The following CNTNAP3B variants were observed in gnomAD, a reference collection of about 807,000 sequenced individuals.
CNTNAP3B encodes contactin-associated protein-like 3B.
CNTNAP3B carries 25 observed loss-of-function variants against 108.9 expected under a neutral mutation model. The observed-to-expected ratio is 0.23, with a 90% CI of 0.17 to 0.32. CNTNAP3B has a LOEUF of 0.32. Ranked by LOEUF, CNTNAP3B falls within the 10% of genes least tolerant of loss-of-function variation. CNTNAP3B has a pLI of 1.00. For missense variants in CNTNAP3B, 252 were observed against 1,210.4 expected, an observed-to-expected ratio of 0.21 and a Z score of 11.75; for synonymous variants, 103 against 473.4, an observed-to-expected ratio of 0.22 and a Z score of 10.16.
At chr9:41,944,518 AC>A (rs1824464917) in intron 13 of CNTNAP3B, among the ~76,000 whole-genome samples, 1 of 152,296 alleles carries the variant, frequency 6.6e-6, no homozygotes, top group Non-Finnish European at 1.5e-5. Flanking sequence ...AAAGGCTACC[AC>A]TAAAACAATT....
At chr9:42,041,851 G>A (rs1043328997) in intron 3 of CNTNAP3B, among the ~76,000 whole-genome samples, 4 of 144,916 alleles carry the variant, frequency 2.8e-5, no homozygotes, top group Non-Finnish European at 6.0e-5. Context: ...GTCCATCAAT[G>A]ACAGAATGGA....
chr9:42,109,900 A>T lies in CNTNAP3B; in HGVS notation c.86-5161T>A, dbSNP rs1331949340. Reference sequence around the variant, plus strand: ...TAAAGGTGATGATGAACAGAGCCCCATACAAAAGAGAAGAGGGTGTGAAAA... The same window carrying T: ...TAAAGGTGATGATGAACAGAGCCCCTTACAAAAGAGAAGAGGGTGTGAAAA... On this transcript the variant is annotated intron_variant, in intron 1 of 23. Coordinates refer to ENST00000377561, the MANE Select transcript of CNTNAP3B (RefSeq NM_001201380.3). 1.5e-5 allele frequency among the ~76,000 whole-genome samples: 2 copies of T among 137,118 alleles called. 1 individual carries two copies. 90.0% of individuals were successfully genotyped at this position (137,118 alleles called of 152,430 possible).
intron 12 of CNTNAP3B, 108 bp from the exon 13 acceptor site, chr9:41,953,494 C>T: frequency 1.5e-6 from 2 of 1,363,368 alleles, no homozygotes; most frequent in Non-Finnish European, 2.0e-6. Context: ...ATTTACATTA[C>T]TGCATGTTTG....
At chr9:41,959,594 T>C (rs1380292919) in intron 12 of CNTNAP3B, among the ~76,000 whole-genome samples, 1 of 152,308 alleles carries the variant, frequency 6.6e-6, no homozygotes, top group Admixed American at 6.5e-5. Flanking sequence ...CTTTCATTGT[T>C]TGAGTCGGGA....
chr9:41,942,723 T>G (rs1250462602), intron 13 of CNTNAP3B, among the ~76,000 whole-genome samples: 1 of 152,252 alleles, frequency 6.6e-6, no homozygotes, highest in Non-Finnish European at 1.5e-5. Flanking sequence ...TAACAGGAGA[T>G]TAAAAATGAA....
intron 8 of CNTNAP3B, among the ~76,000 whole-genome samples, chr9:41,990,575 C>A: frequency 8.1e-6 from 1 of 124,058 alleles, no homozygotes; most frequent in Non-Finnish European, 1.7e-5. Context: ...CCTCTTACAG[C>A]CAAAAGGAAT....
chr9:41,944,875 C>A (rs1587130983), intron 13 of CNTNAP3B, among the ~76,000 whole-genome samples: 1 of 152,230 alleles, frequency 6.6e-6, no homozygotes, highest in Non-Finnish European at 1.5e-5. Flanking sequence ...ACCCATCTGA[C>A]AAAGGGCTAA....
rs1208002994 is a variant in CNTNAP3B, at chr9:42,123,579, C to T, written c.85+5431G>A. ...AGGACAGTGAAGAGATCTCTTGAAC[C>T]GGCCAGAAAGTTGAAGCTCAAGGTT... On this transcript the variant is annotated intron_variant, in intron 1 of 23. Transcript: ENST00000377561. Among the ~76,000 whole-genome samples, 12 of 125,970 alleles carry T rather than the reference C, an allele frequency of 9.5e-5. 2 individuals carry two copies. The highest frequency in any genetic ancestry group is 8.0e-4 in the South Asian group (3 of 3,744). The allele number at this position is 125,970 out of a possible 152,430, so 82.6% of individuals were successfully genotyped here. A position where few individuals can be genotyped will look rare whatever the true frequency, so the allele number is the denominator to read the frequency against.
At chr9:42,125,087 C>A (rs1246559391) in intron 1 of CNTNAP3B, among the ~76,000 whole-genome samples, 1 of 130,918 alleles carries the variant, frequency 7.6e-6, no homozygotes, top group Non-Finnish European at 1.6e-5. Context: ...CTTCAATGTA[C>A]ATTTCCTACA....
chr9:41,972,546 C>T (rs1825439604), intron 9 of CNTNAP3B, among the ~76,000 whole-genome samples: 1 of 138,708 alleles, frequency 7.2e-6, no homozygotes, highest in African/African-American at 2.9e-5. Context: ...TTAATACTTT[C>T]TGCTTTAGAT....
intron 3 of CNTNAP3B, among the ~76,000 whole-genome samples, chr9:42,043,128 A>ACAAC (rs1036354127): frequency 7.4e-6 from 1 of 134,450 alleles, no homozygotes; most frequent in Non-Finnish European, 1.6e-5. Flanking sequence ...TCTGAAATGC[A>ACAAC]TGATTCCCAA....
intron 13 of CNTNAP3B, among the ~76,000 whole-genome samples, chr9:41,940,695 G>T (rs1366253900): frequency 6.6e-6 from 1 of 152,118 alleles, no homozygotes; most frequent in Non-Finnish European, 1.5e-5. Flanking sequence ...GGAGCCTGTA[G>T]TCCCAGCTAC....
At position 41,922,100 on chromosome 9, in the gene CNTNAP3B, G is replaced by A. The variant is rs1823685100; in HGVS notation, c.2755+577C>T. ...ATCCTGGGATCTCTCTCATTAGCTG[G>A]TTACTCCACTTCTCTGAGGCTTGGC... On this transcript the variant is annotated intron_variant, in intron 17 of 23. Coordinates refer to ENST00000377561, the MANE Select transcript of CNTNAP3B (RefSeq NM_001201380.3). 1.4e-5 allele frequency among the ~76,000 whole-genome samples: 2 copies of A among 141,116 alleles called. 1 individual carries two copies. The highest frequency in any genetic ancestry group is 3.1e-5 in the Non-Finnish European group (2 of 65,028). The allele number at this position is 141,116 out of a possible 152,430, so 92.6% of individuals were successfully genotyped here. A position where few individuals can be genotyped will look rare whatever the true frequency, so the allele number is the denominator to read the frequency against.
At chr9:42,075,032 G>T (rs563563842) in intron 3 of CNTNAP3B, among the ~76,000 whole-genome samples, 1 of 146,054 alleles carries the variant, frequency 6.8e-6, no homozygotes, top group Non-Finnish European at 1.5e-5. Flanking sequence ...TCTGTTCTAT[G>T]CCCATCTCCT....
At chr9:42,029,520 C>T (rs1231889135) in intron 3 of CNTNAP3B, among the ~76,000 whole-genome samples, 1 of 122,816 alleles carries the variant, frequency 8.1e-6, no homozygotes, top group African/African-American at 3.4e-5. Context: ...AAAGTATGAT[C>T]ACATATACAT....
intron 15 of CNTNAP3B, among the ~76,000 whole-genome samples, chr9:41,924,645 GCACACACA>G (rs200851620): frequency 0.036 from 4,812 of 134,894 alleles, 19 homozygotes; most frequent in African/African-American, 0.06. Flanking sequence ...TTTCCTTCCT[GCACACACA>G]CACACACACA....
intron 12 of CNTNAP3B, among the ~76,000 whole-genome samples, chr9:41,958,825 C>A (rs1446638497): frequency 6.7e-6 from 1 of 149,992 alleles, no homozygotes. Flanking sequence ...CAAGACGGTT[C>A]CTTTTCACCT....
At chr9:41,966,476 G>A (rs1825278336) in intron 10 of CNTNAP3B, among the ~76,000 whole-genome samples, 1 of 152,270 alleles carries the variant, frequency 6.6e-6, no homozygotes, top group Non-Finnish European at 1.5e-5. Flanking sequence ...CAACAGAGGG[G>A]AAGATGGCAG....
At chr9:41,997,373 C>A (rs1825918814) in intron 6 of CNTNAP3B, among the ~76,000 whole-genome samples, 195 bp downstream of exon 6, 1 of 152,204 alleles carries the variant, frequency 6.6e-6, no homozygotes, top group African/African-American at 2.4e-5. Context: ...CTGTTTACTT[C>A]TTTTCAAGGT....
Sources: allele counts gnomAD v4.1 joint callset (sites outside exome capture counted in the v4.1 genomes callset), GRCh38; gene constraint gnomAD v4.1.1; transcripts MANE v1.5; gene names NCBI Gene and HGNC (gene_info 2026-07-23, HGNC 2026-07-21).